The following SPON1 variants were observed in gnomAD, a reference collection of about 807,000 sequenced individuals.
SPON1 encodes the protein spondin 1.
A neutral mutation model predicts 111.7 loss-of-function variants in SPON1; 52 were observed. The ratio of observed to expected loss-of-function variants is 0.47; its 90% CI spans 0.37 to 0.59. SPON1 has a LOEUF of 0.59. Among genes scored for constraint, SPON1 ranks in the 20% least tolerant of loss-of-function variants. The pLI, the probability that SPON1 is intolerant of heterozygous loss-of-function variation, is 0.00. For missense variants in SPON1, 957 were observed against 1,068.5 expected, an observed-to-expected ratio of 0.90 and a Z score of 1.46; for synonymous variants, 410 against 395.8, an observed-to-expected ratio of 1.04 and a Z score of -0.43.
intron 2 of SPON1, among the ~76,000 whole-genome samples, chr11:14,002,931 T>C (rs943230407): frequency 2.0e-5 from 3 of 152,146 alleles, no homozygotes; most frequent in African/African-American, 7.2e-5. Flanking sequence ...CTCATTTCTC[T>C]GCCCCACCTC....
intron 3 of SPON1, among the ~76,000 whole-genome samples, chr11:14,075,038 T>A (rs1848906060): frequency 1.3e-5 from 2 of 152,200 alleles, no homozygotes; most frequent in South Asian, 4.1e-4. Flanking sequence ...GAAAAGTTAT[T>A]AAAATACTGT....
At chr11:14,087,165 G>T (rs1473219436) in intron 5 of SPON1, among the ~76,000 whole-genome samples, 1 of 151,914 alleles carries the variant, frequency 6.6e-6, no homozygotes, top group Non-Finnish European at 1.5e-5. Context: ...TCTGATGTTA[G>T]TTATTTCTTG....
intron 6 of SPON1, among the ~76,000 whole-genome samples, chr11:14,151,000 A>G (rs995900845): frequency 6.6e-6 from 1 of 152,170 alleles, no homozygotes; most frequent in African/African-American, 2.4e-5. Context: ...TCATTAACTG[A>G]TCATGTTAGG....
intron 3 of SPON1, among the ~76,000 whole-genome samples, chr11:14,068,743 G>A (rs188074257): frequency 6.6e-6 from 1 of 152,298 alleles, no homozygotes; most frequent in Non-Finnish European, 1.5e-5. Context: ...CCTCACTCCA[G>A]CCAGAAATGG....
chr11:14,025,998 C>T (rs1848515173), intron 2 of SPON1, among the ~76,000 whole-genome samples: 2 of 152,176 alleles, frequency 1.3e-5, no homozygotes, highest in African/African-American at 4.8e-5. Context: ...GCTGATTCTC[C>T]AGCTCCTAAT....
intron 6 of SPON1, among the ~76,000 whole-genome samples, chr11:14,226,065 AGT>A (rs1554938108): frequency 6.6e-6 from 1 of 152,190 alleles, no homozygotes; most frequent in Non-Finnish European, 1.5e-5. Flanking sequence ...TGGTTCATAA[AGT>A]GTTCTAACAT....
intron 2 of SPON1, among the ~76,000 whole-genome samples, chr11:14,006,217 T>C (rs891450745): frequency 6.6e-5 from 10 of 152,190 alleles, no homozygotes; most frequent in African/African-American, 2.4e-4. Context: ...TAATGAATTG[T>C]CATCTAAATG....
intron 13 of SPON1, 37 bp from the exon 14 acceptor site, chr11:14,260,551 A>T (rs1849159829): frequency 6.3e-7 from 1 of 1,598,274 alleles, no homozygotes. Flanking sequence ...AAACAAAAGG[A>T]ACCTGTTCTC....
At chr11:14,058,072 A>T (rs1831735456) in intron 3 of SPON1, among the ~76,000 whole-genome samples, 2 of 152,094 alleles carry the variant, frequency 1.3e-5, no homozygotes, top group Admixed American at 1.3e-4. Context: ...AGAGGAAAAA[A>T]GAGCTATATT....
chr11:14,265,421 AGAG>A (rs567526108), intron 15 of SPON1, 100 bp from the exon 16 acceptor site: 9 of 1,303,944 alleles, frequency 6.9e-6, no homozygotes, highest in South Asian at 1.5e-5. Flanking sequence ...ATACTTGAGC[AGAG>A]GAGGAGCCCA....
At chr11:14,213,303 T>TCATCAGAG (rs1181669809) in intron 6 of SPON1, among the ~76,000 whole-genome samples, 1 of 152,110 alleles carries the variant, frequency 6.6e-6, no homozygotes, top group East Asian at 1.9e-4. Context: ...GATGAAGTTT[T>TCATCAGAG]CATCAGAGGG....
intron 5 of SPON1, among the ~76,000 whole-genome samples, chr11:14,133,885 C>T (rs563658700): frequency 6.6e-6 from 1 of 152,308 alleles, no homozygotes; most frequent in African/African-American, 2.4e-5. Context: ...GTGATGTCCT[C>T]TGCCTGGGGT....
chr11:14,241,160 A>T (rs1554939647), intron 6 of SPON1, among the ~76,000 whole-genome samples: 1 of 152,210 alleles, frequency 6.6e-6, no homozygotes, highest in Non-Finnish European at 1.5e-5. Context: ...GAAACGGAGA[A>T]GGAGACAGAA....
chr11:14,175,966 C>T (rs1405344508), intron 6 of SPON1, among the ~76,000 whole-genome samples: 1 of 152,212 alleles, frequency 6.6e-6, no homozygotes, highest in Non-Finnish European at 1.5e-5. Flanking sequence ...CCTTGTTCAG[C>T]ACCCACTATC....
At chr11:14,255,965 G>A (rs1238031682) in intron 9 of SPON1, among the ~76,000 whole-genome samples, 178 bp downstream of exon 9, 2 of 152,224 alleles carry the variant, frequency 1.3e-5, no homozygotes, top group Non-Finnish European at 2.9e-5. Flanking sequence ...AAAATAAGCA[G>A]GCCAGGCACT....
rs1273860813 is a variant in SPON1, at chr11:14,160,863, ATATATTTT to A, written c.825+25309_825+25316del. Among the ~76,000 whole-genome samples, 8 of 47,838 alleles carry A rather than the reference ATATATTTT, an allele frequency of 1.7e-4. 1 individual carries two copies. Among genetic ancestry groups the A allele is most frequent in the East Asian group, 1.8e-3 (2 of 1,112 alleles). The allele number at this position is 47,838 out of a possible 152,430, so 31.4% of individuals were successfully genotyped here. A position where few individuals can be genotyped will look rare whatever the true frequency, so the allele number is the denominator to read the frequency against. On this transcript the variant is annotated intron_variant, in intron 6 of 15. Transcript: ENST00000576479. ...TATATTTATATATTTATATATATTT[ATATATTTT>A]TATATTTTTATATATTTATATATAT...
chr11:14,005,071 TA>T (rs1554912947), intron 2 of SPON1, among the ~76,000 whole-genome samples: 1 of 152,250 alleles, frequency 6.6e-6, no homozygotes, highest in Non-Finnish European at 1.5e-5. Flanking sequence ...AGAAGGTTTT[TA>T]GTTTCATGTA....
intron 5 of SPON1, among the ~76,000 whole-genome samples, chr11:14,105,006 G>T (rs1403336771): frequency 1.3e-5 from 2 of 151,954 alleles, no homozygotes. Context: ...CTTGCAGAAT[G>T]TTTTCTTTTC....
At chr11:14,247,384 C>CGA (rs1421760765) in intron 7 of SPON1, among the ~76,000 whole-genome samples, 1 of 152,088 alleles carries the variant, frequency 6.6e-6, no homozygotes. Context: ...GGTGACAGAG[C>CGA]GAGACCCTGT....
Sources: gnomAD v4.1 joint callset for allele counts (sites outside exome capture counted in the v4.1 genomes callset) on GRCh38, gnomAD v4.1.1 for gene constraint, MANE v1.5 for transcripts, NCBI Gene and HGNC (gene_info 2026-07-23, HGNC 2026-07-21) for gene names.